The following SLX4IP variants were observed in gnomAD, a reference collection of about 807,000 sequenced individuals.
SLX4IP encodes the protein protein SLX4IP.
SLX4IP carries 34 observed loss-of-function variants against 32.9 expected under a neutral mutation model. The ratio of observed to expected loss-of-function variants is 1.03; its 90% CI spans 0.79 to 1.38. The LOEUF is 1.38. Ranked by LOEUF, SLX4IP falls within the 40% of genes most tolerant of loss-of-function variation. SLX4IP has a pLI of 0.00. For missense variants in SLX4IP, 444 were observed against 479.0 expected (o/e 0.93, Z 0.68); for synonymous variants, 172 against 171.7 (o/e 1.00, Z -0.01).
intron 4 of SLX4IP, among the ~76,000 whole-genome samples, chr20:10,571,195 T>C (rs770037036): frequency 5.3e-5 from 8 of 152,036 alleles, no homozygotes; most frequent in Non-Finnish European, 1.0e-4. Context: ...GTGGCAAACA[T>C]TTGAGTCCCA....
At chr20:10,498,586 A>G (rs1291001838) in intron 2 of SLX4IP, among the ~76,000 whole-genome samples, 2 of 152,076 alleles carry the variant, frequency 1.3e-5, no homozygotes, top group African/African-American at 4.8e-5. Flanking sequence ...AAGGAAATTG[A>G]TCATTGCCAT....
intron 6 of SLX4IP, among the ~76,000 whole-genome samples, chr20:10,619,068 G>A (rs1375166974): frequency 6.6e-6 from 1 of 152,162 alleles, no homozygotes; most frequent in African/African-American, 2.4e-5. Flanking sequence ...TGAAGAGGGA[G>A]TCTAATCTTT....
At chr20:10,496,643 G>A (rs1473581804) in intron 2 of SLX4IP, among the ~76,000 whole-genome samples, 1 of 150,328 alleles carries the variant, frequency 6.7e-6, no homozygotes, top group Non-Finnish European at 1.5e-5. Context: ...CTAGGCAGGA[G>A]GGAATTGGGA....
chr20:10,463,226 A>G (rs1357748927), intron 2 of SLX4IP, among the ~76,000 whole-genome samples: 1 of 152,216 alleles, frequency 6.6e-6, no homozygotes, highest in East Asian at 1.9e-4. Context: ...TAGAATTTGA[A>G]TGAGCCGAGA....
In SLX4IP at chr20:10,622,922, C is replaced by T; in HGVS notation, c.770C>T (p.Pro257Leu). The T allele has an allele frequency of 2.5e-6, 4 of 1,614,080 alleles. No individual in the cohort carries two copies. The highest frequency in any genetic ancestry group is 3.4e-6 in the Non-Finnish European group (4 of 1,180,012). Residue 257 changes from proline (P) to leucine (L), a missense_variant, in exon 8 of 8, where the codon CCT becomes CTT. Transcript: ENST00000334534. ...QPEDTSGQQK[P>L]HPGERLKTGL... ...GAAGACACTAGTGGCCAGCAAAAAC[C>T]TCATCCTGGGGAGCGGTTAAAGACA...
intron 2 of SLX4IP, 58 bp downstream of exon 2, chr20:10,458,289 G>A: frequency 6.9e-7 from 1 of 1,449,462 alleles, no homozygotes; most frequent in Non-Finnish European, 9.3e-7. Flanking sequence ...ATATAACTGA[G>A]CTCTGTGTTA....
chr20:10,458,507 G>A (rs1476740427), intron 2 of SLX4IP, among the ~76,000 whole-genome samples: 1 of 152,004 alleles, frequency 6.6e-6, no homozygotes, highest in Non-Finnish European at 1.5e-5. Context: ...TCTTCCTGAT[G>A]TTCTCCCTCC....
At chr20:10,502,939 C>T (rs2065731792) in intron 2 of SLX4IP, among the ~76,000 whole-genome samples, 1 of 152,094 alleles carries the variant, frequency 6.6e-6, no homozygotes, top group Admixed American at 6.5e-5. Context: ...TTCTAGTAGC[C>T]CTTCACAATG....
At chr20:10,473,794 C>T (rs573610116) in intron 2 of SLX4IP, among the ~76,000 whole-genome samples, 64 of 150,900 alleles carry the variant, frequency 4.2e-4, no homozygotes, top group East Asian at 7.8e-4. Flanking sequence ...TTAGTAGAGA[C>T]GGGGTTTCAC....
intron 3 of SLX4IP, among the ~76,000 whole-genome samples, chr20:10,560,202 G>A (rs183414099): frequency 2.6e-4 from 39 of 152,314 alleles, no homozygotes; most frequent in African/African-American, 6.0e-4. Flanking sequence ...TCCCCATGCC[G>A]TTGCACCAGC....
At chr20:10,449,783 A>G (rs112486713) in intron 1 of SLX4IP, among the ~76,000 whole-genome samples, 2,928 of 152,310 alleles carry the variant, frequency 0.019, 69 homozygotes, top group South Asian at 0.069. Flanking sequence ...CATTCTTCCC[A>G]GGTAGCCTAT....
intron 4 of SLX4IP, among the ~76,000 whole-genome samples, chr20:10,597,491 C>T (rs919422107): frequency 1.3e-3 from 191 of 152,322 alleles, no homozygotes; most frequent in African/African-American, 4.4e-3. Flanking sequence ...CCCTATGAGA[C>T]GAATGATAGT....
intron 6 of SLX4IP, among the ~76,000 whole-genome samples, chr20:10,610,415 C>T (rs1189480003): frequency 1.3e-5 from 2 of 152,322 alleles, no homozygotes; most frequent in Middle Eastern, 3.4e-3. Context: ...CTTAGAGACC[C>T]GCCCTTTTCA....
chr20:10,579,960 A>G (rs533943447), intron 4 of SLX4IP, among the ~76,000 whole-genome samples: 2 of 152,328 alleles, frequency 1.3e-5, no homozygotes, highest in South Asian at 4.1e-4. Flanking sequence ...TGAATTAATA[A>G]AGTACCATTG....
At chr20:10,457,072 C>A (rs949933484) in intron 1 of SLX4IP, among the ~76,000 whole-genome samples, 2 of 152,010 alleles carry the variant, frequency 1.3e-5, no homozygotes, top group Admixed American at 1.3e-4. Context: ...TATCATATAT[C>A]CTACAACCTT....
chr20:10,446,266 GC>G (rs1411008105), intron 1 of SLX4IP, among the ~76,000 whole-genome samples: 1 of 151,800 alleles, frequency 6.6e-6, no homozygotes, highest in Non-Finnish European at 1.5e-5. Flanking sequence ...ATAAAAATTA[GC>G]CAGGTGTGGT....
chr20:10,550,468 G>A (rs1194392418), intron 2 of SLX4IP, among the ~76,000 whole-genome samples: 2 of 152,056 alleles, frequency 1.3e-5, no homozygotes, highest in Non-Finnish European at 2.9e-5. Flanking sequence ...TCTGTCTTCT[G>A]AGTGTCCCTC....
intron 4 of SLX4IP, among the ~76,000 whole-genome samples, chr20:10,593,837 T>A (rs1425638828): frequency 6.6e-6 from 1 of 152,256 alleles, no homozygotes; most frequent in African/African-American, 2.4e-5. Flanking sequence ...GGAGATTATT[T>A]TAGATTAAAA....
chr20:10,502,996 A>G (rs753794719), intron 2 of SLX4IP, among the ~76,000 whole-genome samples: 1 of 152,066 alleles, frequency 6.6e-6, no homozygotes, highest in African/African-American at 2.4e-5. Context: ...CTTTCTTGCT[A>G]TTTGACCTTG....
Sources: gnomAD v4.1 joint callset for allele counts (sites outside exome capture counted in the v4.1 genomes callset) on GRCh38, gnomAD v4.1.1 for gene constraint, MANE v1.5 for transcripts, NCBI Gene and HGNC (gene_info 2026-07-23, HGNC 2026-07-21) for gene names.